The following MOGAT1 variants were observed in gnomAD, a reference collection of about 807,000 sequenced individuals.
MOGAT1 encodes the protein monoacylglycerol O-acyltransferase 1, also known as 2-acylglycerol O-acyltransferase 1.
A neutral mutation model predicts 31.4 loss-of-function variants in MOGAT1; 32 were observed. The ratio of observed to expected loss-of-function variants is 1.02; its 90% CI spans 0.77 to 1.37. MOGAT1 has a LOEUF of 1.37. MOGAT1 is among the 40% of genes most tolerant of loss of function. The pLI is 0.00. For synonymous variants in MOGAT1, 145 were observed against 144.5 expected, an observed-to-expected ratio of 1.00 and a Z score of -0.03; for missense variants, 426 against 402.0, an observed-to-expected ratio of 1.06 and a Z score of -0.51.
At chr2:222,699,968 G>A (rs1185905858) in intron 5 of MOGAT1, among the ~76,000 whole-genome samples, 1 of 152,202 alleles carries the variant, frequency 6.6e-6, no homozygotes, top group Non-Finnish European at 1.5e-5. Context: ...TGATCAGTTA[G>A]GGTAATGGGA....
chr2:222,673,369 T>C (rs1289999153), intron 1 of MOGAT1, among the ~76,000 whole-genome samples: 1 of 147,760 alleles, frequency 6.8e-6, no homozygotes, highest in African/African-American at 2.6e-5. Context: ...TGTTAACTCA[T>C]TAAGTCCTCA....
intron 1 of MOGAT1, among the ~76,000 whole-genome samples, chr2:222,673,060 T>C (rs1233800706): frequency 2.0e-5 from 3 of 151,752 alleles, no homozygotes; most frequent in Non-Finnish European, 2.9e-5. Flanking sequence ...GTTACAGGCA[T>C]GTGCCACCAC....
At chr2:222,703,323 G>T (rs554857443) in intron 5 of MOGAT1, among the ~76,000 whole-genome samples, 1 of 152,322 alleles carries the variant, frequency 6.6e-6, no homozygotes, top group African/African-American at 2.4e-5. Flanking sequence ...TTCTACAGAG[G>T]AATTTTGTTT....
chr2:222,695,082 A>G lies in MOGAT1; in HGVS notation c.654-7A>G, dbSNP rs1238662050. 6.3e-7 allele frequency: 1 copy of G among 1,577,164 alleles called. No individual in the cohort carries two copies. The highest frequency in any genetic ancestry group is 1.9e-5 in the Admixed American group (1 of 53,144). ...AAAATTCTCACCCGTCCCCTTTGTT[A>G]TTGCAGCGCCTCTCTGGTCCCAGTG... On this transcript the variant is annotated splice_polypyrimidine_tract_variant and splice_region_variant and intron_variant, in intron 4 of 5. Coordinates refer to ENST00000446656, the MANE Select transcript of MOGAT1 (RefSeq NM_058165.3).
intron 5 of MOGAT1, among the ~76,000 whole-genome samples, chr2:222,695,819 A>G (rs1048639755): frequency 6.6e-6 from 1 of 151,990 alleles, no homozygotes; most frequent in African/African-American, 2.4e-5. Flanking sequence ...GGTCACATGA[A>G]TAAATTCTTT....
At chr2:222,701,285 AGAGAG>A (rs1294278165) in intron 5 of MOGAT1, among the ~76,000 whole-genome samples, 2 of 100,944 alleles carry the variant, frequency 2.0e-5, no homozygotes, top group South Asian at 2.6e-4. Context: ...AGAGAGAGAG[AGAGAG>A]GAGGAGGAGG....
intron 5 of MOGAT1, among the ~76,000 whole-genome samples, chr2:222,701,565 A>G (rs1384481214): frequency 4.1e-5 from 6 of 146,658 alleles, no homozygotes; most frequent in Non-Finnish European, 7.5e-5. Context: ...AAGAAAGAGA[A>G]AGAAAGAAAA....
At chr2:222,705,516 ACTGT>A (rs1318641039) in intron 5 of MOGAT1, among the ~76,000 whole-genome samples, 3 of 152,280 alleles carry the variant, frequency 2.0e-5, no homozygotes, top group African/African-American at 4.8e-5. Flanking sequence ...AGGTGAAGTG[ACTGT>A]CTGAGAGCCA....
At chr2:222,687,927 T>C (rs115197989) in intron 1 of MOGAT1, among the ~76,000 whole-genome samples, 153 of 152,288 alleles carry the variant, frequency 1.0e-3, no homozygotes, top group African/African-American at 3.5e-3. Context: ...TAGTTAGACC[T>C]TAACATCAGA....
chr2:222,687,977 A>G (rs1692701256), intron 1 of MOGAT1, among the ~76,000 whole-genome samples: 1 of 152,198 alleles, frequency 6.6e-6, no homozygotes, highest in Non-Finnish European at 1.5e-5. Context: ...TGGGCAACTC[A>G]CTTAACCCTT....
chr2:222,682,233 T>A (rs574616237), intron 1 of MOGAT1, among the ~76,000 whole-genome samples: 24 of 152,298 alleles, frequency 1.6e-4, no homozygotes, highest in African/African-American at 5.1e-4. Context: ...TACTGTAGCA[T>A]GTATCGCCTG....
intron 1 of MOGAT1, among the ~76,000 whole-genome samples, chr2:222,676,638 G>A (rs1044143068): frequency 6.6e-6 from 1 of 152,136 alleles, no homozygotes; most frequent in African/African-American, 2.4e-5. Context: ...GACAGTTGCA[G>A]GTTTAACTTT....
At chr2:222,683,542 AC>A (rs1442654656) in intron 1 of MOGAT1, among the ~76,000 whole-genome samples, 1 of 151,732 alleles carries the variant, frequency 6.6e-6, no homozygotes, top group Non-Finnish European at 1.5e-5. Flanking sequence ...AGCCTGGCAA[AC>A]ATGGCGAAAC....
At chr2:222,701,357 G>C (rs1262218764) in intron 5 of MOGAT1, among the ~76,000 whole-genome samples, 15 of 139,930 alleles carry the variant, frequency 1.1e-4, no homozygotes, top group African/African-American at 4.0e-4. Context: ...GGAAAGAAAG[G>C]AAAGGAAAAG....
intron 3 of MOGAT1, among the ~76,000 whole-genome samples, chr2:222,690,692 G>C (rs992500059): frequency 6.6e-6 from 1 of 152,142 alleles, no homozygotes; most frequent in East Asian, 1.9e-4. Flanking sequence ...AGAATTCACC[G>C]CTGAGTTTTC....
intron 5 of MOGAT1, among the ~76,000 whole-genome samples, chr2:222,707,736 G>A (rs764561070): frequency 9.2e-5 from 14 of 152,194 alleles, no homozygotes; most frequent in Non-Finnish European, 1.9e-4. Flanking sequence ...GGCTATGTGT[G>A]GTTAAATTCT....
chr2:222,695,321 T>C, intron 5 of MOGAT1, 33 bp downstream of exon 5: 1 of 1,426,266 alleles, frequency 7.0e-7, no homozygotes, highest in Non-Finnish European at 9.6e-7. Context: ...ACTATTAGCT[T>C]ACTTTAAGCA....
At chr2:222,703,886 C>G (rs894305296) in intron 5 of MOGAT1, among the ~76,000 whole-genome samples, 30 of 146,558 alleles carry the variant, frequency 2.0e-4, no homozygotes, top group African/African-American at 7.5e-4. Flanking sequence ...AAAAATAATG[C>G]CCACTTCTAA....
At chr2:222,701,733 G>A (rs13003687) in intron 5 of MOGAT1, among the ~76,000 whole-genome samples, 66,585 of 151,160 alleles carry the variant, frequency 0.44, 15,206 homozygotes, top group Middle Eastern at 0.51. Flanking sequence ...ATCCATAGGC[G>A]TGCCCTGATG....
Sources: allele counts gnomAD v4.1 joint callset (sites outside exome capture counted in the v4.1 genomes callset), GRCh38; gene constraint gnomAD v4.1.1; transcripts MANE v1.5; gene names NCBI Gene and HGNC (gene_info 2026-07-23, HGNC 2026-07-21).